The following GDPD4 variants were observed in gnomAD, a reference collection of about 807,000 sequenced individuals.
The protein encoded by GDPD4 is glycerophosphodiester phosphodiesterase 6.
Under a neutral mutation model 67.8 loss-of-function variants are expected in GDPD4, and 60 were observed. That is an observed-to-expected ratio of 0.88 (90% CI 0.72 to 1.10). GDPD4 has a LOEUF of 1.10. Ranked by LOEUF, GDPD4 falls within the 50% of genes least tolerant of loss-of-function variation. GDPD4 has a pLI of 0.00. For synonymous variants in GDPD4, 212 were observed against 210.9 expected (o/e 1.00, Z -0.04); for missense variants, 623 against 613.9 (o/e 1.01, Z -0.16).
At chr11:77,245,650 G>C (rs1958767622) in intron 11 of GDPD4, 148 bp from the exon 12 acceptor site, 5 of 616,136 alleles carry the variant, frequency 8.1e-6, no homozygotes, top group East Asian at 5.5e-5. Flanking sequence ...AGGTGACAAG[G>C]AGAGAAATAA....
Position 77,217,261 on chromosome 11 carries a change from G to T in GDPD4, c.*16C>A. The T allele has an allele frequency of 1.3e-6, 2 of 1,592,008 alleles. No individual in the cohort carries two copies. Among genetic ancestry groups the T allele is most frequent in the Non-Finnish European group, 1.7e-6 (2 of 1,159,836 alleles). On this transcript the variant is annotated 3_prime_UTR_variant, in exon 17 of 17. Transcript: ENST00000315938. ...CTCGGACAGGAGGTTTCATGGCTATGTGCAAATCTATCTATCTATCTATCT... is the reference window on the plus strand; with the variant it reads ...CTCGGACAGGAGGTTTCATGGCTATTTGCAAATCTATCTATCTATCTATCT...
chr11:77,253,993 TAGGCC>T (rs1185356205), intron 11 of GDPD4, among the ~76,000 whole-genome samples: 1 of 152,074 alleles, frequency 6.6e-6, no homozygotes, highest in African/African-American at 2.4e-5. Flanking sequence ...CTGGGGATGT[TAGGCC>T]ACTCTGTTGG....
At chr11:77,299,918 G>A (rs1166455547) in intron 1 of GDPD4, among the ~76,000 whole-genome samples, 1 of 152,146 alleles carries the variant, frequency 6.6e-6, no homozygotes, top group Non-Finnish European at 1.5e-5. Context: ...AGTAAACTAT[G>A]AGGCATAAAA....
intron 4 of GDPD4, among the ~76,000 whole-genome samples, chr11:77,278,953 G>C (rs1959624259): frequency 6.6e-6 from 1 of 152,182 alleles, no homozygotes. Context: ...TGGGACATGA[G>C]ATGAGTAAAG....
Position 77,269,090 on chromosome 11 carries a change from G to C in GDPD4, c.479-21C>G, listed in dbSNP as rs755825049. On this transcript the variant is annotated intron_variant, in intron 8 of 16. Transcript: ENST00000315938. ...TAGACCTGAAAAATTTGAAAGGAAG[G>C]GGAAGTGGGGGAAAAAGAGATAAAG... The C allele has an allele frequency of 2.5e-6, 4 of 1,608,806 alleles. No individual in the cohort carries two copies. The Admixed American group carries it at 5.1e-5, about 20-fold the overall frequency.
chr11:77,287,271 A>T lies in GDPD4; in HGVS notation c.-104T>A, dbSNP rs1305152433. ...GTTTTTTCCCATTGTCTGAATTTCC[A>T]GAGGCAACTATAGCAGCCAGTAAGG... On this transcript the variant is annotated 5_prime_UTR_variant, in exon 2 of 17. Transcript: ENST00000315938. 2.0e-5 allele frequency: 3 copies of T among 152,268 alleles called. No homozygotes were observed. Among genetic ancestry groups the T allele is most frequent in the Non-Finnish European group, 4.4e-5 (3 of 68,050 alleles). The allele number at this position is 152,268 out of a possible 1,614,324, so 9.4% of individuals were successfully genotyped here. A position where few individuals can be genotyped will look rare whatever the true frequency, so the allele number is the denominator to read the frequency against.
chr11:77,277,278 AC>A (rs1338890778), intron 4 of GDPD4, among the ~76,000 whole-genome samples: 2 of 151,390 alleles, frequency 1.3e-5, no homozygotes, highest in Non-Finnish European at 2.9e-5. Context: ...CACCCTCCAA[AC>A]CACAACATCA....
chr11:77,254,431 C>T (rs1312194725), intron 11 of GDPD4, among the ~76,000 whole-genome samples: 4 of 152,120 alleles, frequency 2.6e-5, no homozygotes, highest in Non-Finnish European at 4.4e-5. Context: ...TACTCTGGTG[C>T]TGTCCTTTAT....
At chr11:77,295,230 T>C (rs1937915170) in intron 1 of GDPD4, among the ~76,000 whole-genome samples, 1 of 151,634 alleles carries the variant, frequency 6.6e-6, no homozygotes, top group African/African-American at 2.4e-5. Flanking sequence ...TCAAAGGATC[T>C]GCCCGCCTCA....
At chr11:77,298,113 A>C (rs1392627769) in intron 1 of GDPD4, among the ~76,000 whole-genome samples, 1 of 152,094 alleles carries the variant, frequency 6.6e-6, no homozygotes, top group Non-Finnish European at 1.5e-5. Flanking sequence ...TTTAAAAAAA[A>C]AAAGATTGAA....
intron 3 of GDPD4, among the ~76,000 whole-genome samples, chr11:77,283,199 C>T (rs1278624307): frequency 2.0e-5 from 3 of 152,204 alleles, no homozygotes; most frequent in Non-Finnish European, 2.9e-5. Context: ...CAAGCCATGC[C>T]GGTGGTCAGT....
chr11:77,260,947 T>C (rs999653873), intron 10 of GDPD4, among the ~76,000 whole-genome samples: 1 of 152,096 alleles, frequency 6.6e-6, no homozygotes, highest in Non-Finnish European at 1.5e-5. Context: ...TATATGTAAA[T>C]GGAGTCCTAA....
chr11:77,276,294 C>A, intron 4 of GDPD4, 74 bp from the exon 5 acceptor site: 1 of 1,107,390 alleles, frequency 9.0e-7, no homozygotes, highest in Non-Finnish European at 1.4e-6. Flanking sequence ...GTTCCTATAG[C>A]TCCAAATTCC....
intron 11 of GDPD4, among the ~76,000 whole-genome samples, chr11:77,250,439 A>T (rs960544694): frequency 6.6e-6 from 1 of 152,186 alleles, no homozygotes; most frequent in South Asian, 2.1e-4. Flanking sequence ...TTATAAGTGC[A>T]TAGTATTTTG....
chr11:77,251,826 A>C (rs1958904517), intron 11 of GDPD4, among the ~76,000 whole-genome samples: 1 of 152,176 alleles, frequency 6.6e-6, no homozygotes, highest in African/African-American at 2.4e-5. Flanking sequence ...GAACATCTAC[A>C]ATATGAAAAT....
chr11:77,300,765 C>G (rs146282951), intron 1 of GDPD4, among the ~76,000 whole-genome samples: 207 of 152,156 alleles, frequency 1.4e-3, no homozygotes, highest in African/African-American at 4.7e-3. Flanking sequence ...GTAAGAAAAA[C>G]AAATTGCACA....
intron 1 of GDPD4, among the ~76,000 whole-genome samples, chr11:77,290,370 A>G (rs1222728030): frequency 6.6e-6 from 1 of 152,234 alleles, no homozygotes; most frequent in African/African-American, 2.4e-5. Context: ...TTAGGTCACA[A>G]AACAAGTCTA....
At chr11:77,244,106 C>G (rs1263870204) in intron 12 of GDPD4, among the ~76,000 whole-genome samples, 2 of 152,220 alleles carry the variant, frequency 1.3e-5, no homozygotes, top group Non-Finnish European at 2.9e-5. Context: ...AGCTCCGCCA[C>G]CCGGGTTCAT....
intron 11 of GDPD4, 23 bp from the exon 12 acceptor site, chr11:77,245,525 A>C: frequency 1.3e-6 from 2 of 1,568,034 alleles, no homozygotes; most frequent in South Asian, 2.2e-5. Context: ...ACATCAAAAA[A>C]TACATAAAAG....
Sources: gnomAD v4.1 joint callset for allele counts (sites outside exome capture counted in the v4.1 genomes callset) on GRCh38, gnomAD v4.1.1 for gene constraint, MANE v1.5 for transcripts, NCBI Gene and HGNC (gene_info 2026-07-23, HGNC 2026-07-21) for gene names.